Variants in ZNF536 observed in about 807,000 individuals in gnomAD.
ZNF536 encodes zinc finger protein 536.
Under a neutral mutation model 84.5 loss-of-function variants are expected in ZNF536, and 13 were observed. That is an observed-to-expected ratio of 0.15 (90% CI 0.10 to 0.24). The LOEUF (loss-of-function observed/expected upper bound fraction) is 0.24, where lower values mean the gene tolerates loss of function less well. ZNF536 is among the 10% of genes least tolerant of loss of function. The pLI, the probability that ZNF536 is intolerant of heterozygous loss-of-function variation, is 1.00. For synonymous variants in ZNF536, 811 were observed against 742.5 expected (o/e 1.09, Z -1.50); for missense variants, 1,536 against 1,747.5 (o/e 0.88, Z 2.16).
chr19:30,679,628 G>T (rs1184735580), intron 1 of ZNF536, among the ~76,000 whole-genome samples: 1 of 152,174 alleles, frequency 6.6e-6, no homozygotes, highest in Admixed American at 6.5e-5. Flanking sequence ...GGAAGGGCCA[G>T]ATCCTACTGT....
At chr19:30,464,231 G>A (rs1020123498) in intron 2 of ZNF536, among the ~76,000 whole-genome samples, 39 of 152,180 alleles carry the variant, frequency 2.6e-4, no homozygotes, top group Non-Finnish European at 5.1e-4. Flanking sequence ...GATTAGGGGT[G>A]CAGGCCTGGG....
At chr19:30,442,002 G>A (rs1196823832) in intron 1 of ZNF536, among the ~76,000 whole-genome samples, 1 of 152,220 alleles carries the variant, frequency 6.6e-6, no homozygotes, top group Non-Finnish European at 1.5e-5. Context: ...AGGTCTCCCT[G>A]GTTAATCACT....
chr19:30,646,270 A>G (rs1387753834), intron 1 of ZNF536, among the ~76,000 whole-genome samples: 2 of 152,124 alleles, frequency 1.3e-5, no homozygotes, highest in Non-Finnish European at 2.9e-5. Flanking sequence ...TCCTGGTGGA[A>G]AATAGTATGT....
At chr19:30,523,939 T>A (rs2044470022) in intron 2 of ZNF536, among the ~76,000 whole-genome samples, 1 of 152,234 alleles carries the variant, frequency 6.6e-6, no homozygotes, top group Non-Finnish European at 1.5e-5. Context: ...TCTGTTATGC[T>A]TAGTGGCTTT....
chr19:30,451,917 T>C lies in ZNF536; in HGVS notation c.2170+6185T>C, dbSNP rs186110651. 9.8e-5 allele frequency among the ~76,000 whole-genome samples: 15 copies of C among 152,336 alleles called. No homozygotes were observed. The East Asian group carries it at 2.9e-3, about 29-fold the overall frequency. On this transcript the variant is annotated intron_variant, in intron 2 of 4. Coordinates refer to ENST00000355537, the MANE Select transcript of ZNF536 (RefSeq NM_014717.3). ...AAAACATAGATTAGCTAAGGACAGG[T>C]TACAATGAGGCAAGGAATTAAGCGG...
intron 1 of ZNF536, among the ~76,000 whole-genome samples, chr19:30,421,508 G>A (rs908030286): frequency 2.0e-5 from 3 of 152,128 alleles, no homozygotes; most frequent in African/African-American, 7.2e-5. Flanking sequence ...GGGATTACAG[G>A]CATGCCACCA....
upstream of ZNF536, among the ~76,000 whole-genome samples, chr19:30,226,741 T>C (rs889222256): frequency 2.6e-5 from 4 of 151,870 alleles, no homozygotes; most frequent in Non-Finnish European, 5.9e-5. This position sits in a 1 kb window ranked among gnomAD's most constrained non-coding sequence, Gnocchi z 4.6. Flanking sequence ...GCTGGAGAAA[T>C]GAGGCCAATC....
At chr19:30,344,877 G>C (rs778036835) in intron 2 of ZNF536, among the ~76,000 whole-genome samples, 1 of 152,182 alleles carries the variant, frequency 6.6e-6, no homozygotes, top group Non-Finnish European at 1.5e-5. Context: ...TTGGCCCTGT[G>C]ATCTTGTCAC....
chr19:30,264,173 G>A (rs2025373693), intron 1 of ZNF536, among the ~76,000 whole-genome samples: 1 of 152,202 alleles, frequency 6.6e-6, no homozygotes, highest in East Asian at 1.9e-4. Flanking sequence ...TTTCTTAAAT[G>A]GTGCTAATCA....
intron 2 of ZNF536, among the ~76,000 whole-genome samples, chr19:30,480,161 A>G (rs2054014615): frequency 6.6e-6 from 1 of 152,164 alleles, no homozygotes; most frequent in African/African-American, 2.4e-5. Context: ...CATGGTGCCA[A>G]TTTCACGGGA....
chr19:30,670,464 T>A (rs1292186421), intron 1 of ZNF536, among the ~76,000 whole-genome samples: 1 of 152,196 alleles, frequency 6.6e-6, no homozygotes, highest in Non-Finnish European at 1.5e-5. Context: ...AGGAAGGCTG[T>A]CTGTGGGATG....
chr19:30,643,876 C>A (rs777252611), intron 1 of ZNF536, among the ~76,000 whole-genome samples: 3 of 152,116 alleles, frequency 2.0e-5, no homozygotes, highest in Non-Finnish European at 2.9e-5. Flanking sequence ...AAAAAGATTT[C>A]TTTGCTTTAG....
intron 1 of ZNF536, among the ~76,000 whole-genome samples, chr19:30,440,022 A>T (rs758175077): frequency 1.5e-5 from 2 of 129,582 alleles, no homozygotes; most frequent in Non-Finnish European, 3.1e-5. Context: ...GTGCAATGGC[A>T]TGATCTCAGC....
At chr19:30,680,897 C>T (rs995729199) in intron 1 of ZNF536, among the ~76,000 whole-genome samples, 10 of 152,172 alleles carry the variant, frequency 6.6e-5, no homozygotes, top group Non-Finnish European at 1.5e-4. Context: ...TATTTCTCCA[C>T]ATCCTCTCCA....
chr19:30,379,654 T>C (rs10413564), intron 1 of ZNF536, among the ~76,000 whole-genome samples: 148,012 of 150,392 alleles, frequency 0.98, 72,958 homozygotes, highest in African/African-American at 1. Flanking sequence ...GTGTAGTGGG[T>C]ATGCGGTGGG....
In ZNF536 at chr19:30,237,247, G is replaced by C. The variant is rs375808598; in HGVS notation, c.-190+8574G>C. 3.7e-4 allele frequency among the ~76,000 whole-genome samples: 57 copies of C among 152,176 alleles called. 1 individual carries two copies. Among genetic ancestry groups the C allele is most frequent in the African/African-American group, 1.4e-3 (57 of 41,514 alleles). On this transcript the variant is annotated intron_variant, in intron 1 of 5. Transcript: ENST00000585628. The stretch of plus-strand genomic sequence containing the variant: ...AATACCACCTTCAATAAAATAATTT[G>C]TTCATTGATCTGAAGAATGAGTGGT...
chr19:30,397,544 A>G (rs569873772), intron 1 of ZNF536, among the ~76,000 whole-genome samples: 1 of 152,296 alleles, frequency 6.6e-6, no homozygotes, highest in South Asian at 2.1e-4. Context: ...ACTGAGTGTG[A>G]ATCTACAATT....
At chr19:30,264,886 A>G (rs1447470585) in intron 1 of ZNF536, among the ~76,000 whole-genome samples, 1 of 151,946 alleles carries the variant, frequency 6.6e-6, no homozygotes, top group Non-Finnish European at 1.5e-5. Context: ...ACAGAGAAAG[A>G]TAAACCGGGG....
intron 1 of ZNF536, among the ~76,000 whole-genome samples, chr19:30,586,068 C>T (rs1261405604): frequency 1.3e-5 from 2 of 152,224 alleles, no homozygotes; most frequent in African/African-American, 2.4e-5. Flanking sequence ...TACACTTAGT[C>T]TGTTTGGATC....
Sources: gnomAD v4.1 joint callset for allele counts (sites outside exome capture counted in the v4.1 genomes callset) on GRCh38, gnomAD v4.1.1 for gene constraint, Gnocchi (gnomAD v3.1) non-coding constraint, MANE v1.5 for transcripts, NCBI Gene and HGNC (gene_info 2026-07-23, HGNC 2026-07-21) for gene names.